Variants in TCP11L1 observed in about 807,000 individuals in gnomAD.
TCP11L1 encodes t-complex 11 like 1.
In TCP11L1, 28 loss-of-function variants were observed where a neutral mutation model predicts 48.9. The ratio of observed to expected loss-of-function variants is 0.57; its 90% CI spans 0.42 to 0.78. The LOEUF is 0.78. Ranked by LOEUF, TCP11L1 falls within the 30% of genes least tolerant of loss-of-function variation. The pLI is 0.00. For synonymous variants in TCP11L1, 204 were observed against 231.9 expected, an observed-to-expected ratio of 0.88 and a Z score of 1.09; for missense variants, 505 against 613.4, an observed-to-expected ratio of 0.82 and a Z score of 1.87.
At chr11:33,057,025 C>T (rs1854328787) in intron 3 of TCP11L1, 90 bp from the exon 4 acceptor site, 1 of 1,569,558 alleles carries the variant, frequency 6.4e-7, no homozygotes, top group African/African-American at 1.4e-5. Context: ...TGATCTTACC[C>T]TAAACCCATA....
At chr11:33,057,815 T>C in intron 4 of TCP11L1, 104 bp from the exon 5 acceptor site, 1 of 944,368 alleles carries the variant, frequency 1.1e-6, no homozygotes, top group South Asian at 1.9e-5. Context: ...ATGTGCAATA[T>C]TACGTAGCAA....
At chr11:33,063,326 G>C (rs917785292) in intron 7 of TCP11L1, among the ~76,000 whole-genome samples, 1 of 152,122 alleles carries the variant, frequency 6.6e-6, no homozygotes, top group Non-Finnish European at 1.5e-5. Flanking sequence ...TACCTCTCTT[G>C]GTTACGTACC....
intron 7 of TCP11L1, among the ~76,000 whole-genome samples, chr11:33,062,765 T>A (rs1171293394): frequency 1.3e-5 from 2 of 152,286 alleles, no homozygotes; most frequent in Non-Finnish European, 2.9e-5. Flanking sequence ...AGTGGAATTA[T>A]ACAATCTTTG....
At chr11:33,065,559 A>G (rs1159736419) in intron 7 of TCP11L1, among the ~76,000 whole-genome samples, 4 of 152,186 alleles carry the variant, frequency 2.6e-5, no homozygotes, top group South Asian at 2.1e-4. Flanking sequence ...CACCGCGGCC[A>G]GCCGGGGAGG....
chr11:33,054,845 T>A, intron 3 of TCP11L1, 120 bp downstream of exon 3: 1 of 1,192,968 alleles, frequency 8.4e-7, no homozygotes, highest in Non-Finnish European at 1.1e-6. Flanking sequence ...ACATTATTGC[T>A]AAAAAATATT....
rs1564982626 is a variant in TCP11L1, at chr11:33,059,073, A to G, written c.753A>G (p.Gln251=). ...QSVEYERKKF[Q]EILERQPNSL... is the part of the protein sequence containing the mutation. ...TTGAATACGAAAGGAAGAAGTTTCA[A>G]GAGATTTTGGAGAGGCAACCAAGTA... The change falls in exon 6 of 10, where the codon CAA becomes CAG. Residue 251 remains glutamine, a synonymous_variant. Coordinates refer to ENST00000334274, the MANE Select transcript of TCP11L1 (RefSeq NM_018393.4). The G allele has an allele frequency of 6.2e-7, 1 of 1,614,136 alleles. No individual in the cohort carries two copies. Among genetic ancestry groups the G allele is most frequent in the Non-Finnish European group, 8.5e-7 (1 of 1,180,028 alleles).
At chr11:33,064,074 G>T (rs1357341480) in intron 7 of TCP11L1, among the ~76,000 whole-genome samples, 1 of 152,156 alleles carries the variant, frequency 6.6e-6, no homozygotes, top group Admixed American at 6.5e-5. Flanking sequence ...TCTCTATGGA[G>T]AGGGGGATGT....
chr11:33,054,704 C>T lies in TCP11L1; in HGVS notation c.275C>T (p.Pro92Leu). The change falls in exon 3 of 10, where the codon CCA (proline) becomes CTA (leucine). Residue 92 changes from proline (P) to leucine (L), a missense_variant. This residue lies in a region of TCP11L1 where 168 missense variants were observed against 183.5 expected (regional missense o/e 0.92). Coordinates refer to ENST00000334274, the MANE Select transcript of TCP11L1 (RefSeq NM_018393.4). ...IVVNGDFQIK[P>L]VELPENSLKK... ...GTAAATGGAGACTTTCAGATTAAAC[C>T]AGTTGAATTACCAGAAAACAGGTAA... The T allele has an allele frequency of 1.2e-6, 2 of 1,613,218 alleles. No individual in the cohort carries two copies. The highest frequency in any genetic ancestry group is 1.7e-6 in the Non-Finnish European group (2 of 1,179,742).
Position 33,072,737 on chromosome 11 carries a change from C to A in TCP11L1, c.*61C>A. The A allele has an allele frequency of 6.3e-7, 1 of 1,577,350 alleles. No individual in the cohort carries two copies. The highest frequency in any genetic ancestry group is 1.7e-5 in the Admixed American group (1 of 59,584). Reference sequence around the variant, plus strand: ...AGCCACAGAATACCTGTTCTGTACTCTAATGTTGCATTGGAAAATGGCTAT... The same window carrying A: ...AGCCACAGAATACCTGTTCTGTACTATAATGTTGCATTGGAAAATGGCTAT... On this transcript the variant is annotated 3_prime_UTR_variant, in exon 10 of 10. Transcript: ENST00000334274.
intron 7 of TCP11L1, among the ~76,000 whole-genome samples, chr11:33,063,701 C>G (rs1189163645): frequency 6.6e-6 from 1 of 152,198 alleles, no homozygotes; most frequent in East Asian, 1.9e-4. Context: ...CTCCCCCTCT[C>G]TTTTTGGGGG....
chr11:33,053,885 A>G (rs1385264350), intron 2 of TCP11L1, among the ~76,000 whole-genome samples: 1 of 152,058 alleles, frequency 6.6e-6, no homozygotes, highest in African/African-American at 2.4e-5. Context: ...GCTTGAGTGC[A>G]GTGACATGAT....
At chr11:33,064,985 G>C (rs1035432218) in intron 7 of TCP11L1, among the ~76,000 whole-genome samples, 1 of 152,210 alleles carries the variant, frequency 6.6e-6, no homozygotes, top group Non-Finnish European at 1.5e-5. Context: ...GTGACTGGCT[G>C]TCCTAGTTTG....
At chr11:33,054,192 C>T (rs1241439752) in intron 2 of TCP11L1, among the ~76,000 whole-genome samples, 1 of 150,080 alleles carries the variant, frequency 6.7e-6, no homozygotes, top group South Asian at 2.1e-4. Flanking sequence ...CTAATGGGAG[C>T]AAAAGAGAAG....
At chr11:33,041,488 C>CGCCTAT (rs1392590082) in intron 1 of TCP11L1, among the ~76,000 whole-genome samples, 3 of 152,166 alleles carry the variant, frequency 2.0e-5, no homozygotes, top group Non-Finnish European at 2.9e-5. Context: ...CAGTGGCTCA[C>CGCCTAT]GCCTATAATC....
chr11:33,041,264 G>C (rs1031460415), intron 1 of TCP11L1: 1 of 152,224 alleles, frequency 6.6e-6, no homozygotes, highest in Non-Finnish European at 1.5e-5. Context: ...CTCAGCATGT[G>C]AAGATAATAA....
intron 7 of TCP11L1, among the ~76,000 whole-genome samples, chr11:33,062,894 G>A (rs1340681993): frequency 6.6e-6 from 1 of 152,078 alleles, no homozygotes; most frequent in Non-Finnish European, 1.5e-5. Context: ...TTAGAGACAG[G>A]GTCTCATTGA....
chr11:33,045,400 C>T (rs1436193187), intron 2 of TCP11L1, among the ~76,000 whole-genome samples: 1 of 151,648 alleles, frequency 6.6e-6, no homozygotes, highest in Non-Finnish European at 1.5e-5. Flanking sequence ...GTTGTAGTCC[C>T]AGCTACTTGG....
At chr11:33,051,248 A>G (rs1854151944) in intron 2 of TCP11L1, among the ~76,000 whole-genome samples, 1 of 152,142 alleles carries the variant, frequency 6.6e-6, no homozygotes, top group Non-Finnish European at 1.5e-5. Context: ...GCTCACTGCA[A>G]GCTTGGCCTC....
chr11:33,045,191 C>CA (rs1196363536), intron 2 of TCP11L1, among the ~76,000 whole-genome samples: 2 of 151,276 alleles, frequency 1.3e-5, no homozygotes, highest in Non-Finnish European at 1.5e-5. Flanking sequence ...CCCATCTCTA[C>CA]AAAAAATAAA....
Sources: allele counts gnomAD v4.1 joint callset (sites outside exome capture counted in the v4.1 genomes callset), GRCh38; gene constraint gnomAD v4.1.1; regional missense constraint gnomAD v4.1.1; transcripts MANE v1.5; gene names NCBI Gene and HGNC (gene_info 2026-07-23, HGNC 2026-07-21).